Variants in MYO5A observed in about 807,000 individuals in gnomAD.
MYO5A encodes unconventional myosin-Va.
Under a neutral mutation model 249.7 loss-of-function variants are expected in MYO5A, and 98 were observed. The observed-to-expected ratio is 0.39, with a 90% confidence interval of 0.33 to 0.46. The LOEUF (loss-of-function observed/expected upper bound fraction) is 0.46. Ranked by LOEUF, MYO5A falls within the 20% of genes least tolerant of loss-of-function variation. MYO5A has a pLI of 0.98. For missense variants in MYO5A, 1,696 were observed against 2,308.8 expected (o/e 0.73, Z 5.44); for synonymous variants, 778 against 810.6 (o/e 0.96, Z 0.68).
chr15:52,434,500 C>T (rs1273555562), intron 1 of MYO5A, among the ~76,000 whole-genome samples: 1 of 152,118 alleles, frequency 6.6e-6, no homozygotes, highest in Non-Finnish European at 1.5e-5. Flanking sequence ...AAAAATGGCA[C>T]AGCCAGTCAC....
Position 52,387,800 on chromosome 15 carries a change from T to C in MYO5A, c.1752+29A>G, listed in dbSNP as rs556017765. On this transcript the variant is annotated intron_variant, in intron 14 of 41. Transcript: ENST00000399233. ...AAAAGCTAATGCTTTGCATACATCC[T>C]GGATTAGAGTAAGCCTATCCATAGT... 41 of 1,470,944 alleles carry C rather than the reference T, an allele frequency of 2.8e-5. No homozygotes were observed. The South Asian group carries it at 3.4e-4, about 12-fold the overall frequency. The allele number at this position is 1,470,944 out of a possible 1,614,324, so 91.1% of individuals were successfully genotyped here. A position where few individuals can be genotyped will look rare whatever the true frequency, so the allele number is the denominator to read the frequency against.
intron 20 of MYO5A, 114 bp from the exon 21 acceptor site, chr15:52,372,477 G>T (rs890268656): frequency 7.3e-7 from 1 of 1,368,942 alleles, no homozygotes. Flanking sequence ...CATAAAAGTT[G>T]AATTGACAAT....
intron 1 of MYO5A, among the ~76,000 whole-genome samples, chr15:52,460,091 C>T (rs1481561677): frequency 1.3e-5 from 2 of 151,732 alleles, no homozygotes; most frequent in East Asian, 3.9e-4. Flanking sequence ...AGATGATGGG[C>T]GGCCAGGCAG....
chr15:52,462,607 G>A (rs1340828062), intron 1 of MYO5A, among the ~76,000 whole-genome samples: 5 of 152,114 alleles, frequency 3.3e-5, no homozygotes, highest in African/African-American at 7.2e-5. Context: ...CAGCACTTTC[G>A]GAGGCCAAGG....
At chr15:52,376,058 TG>T (rs1402458059) in intron 19 of MYO5A, among the ~76,000 whole-genome samples, 1 of 152,236 alleles carries the variant, frequency 6.6e-6, no homozygotes, top group Admixed American at 6.5e-5. Flanking sequence ...TATTCACGAC[TG>T]TTTTAATTGA....
intron 24 of MYO5A, among the ~76,000 whole-genome samples, chr15:52,360,700 A>G (rs1461572937): frequency 6.6e-6 from 1 of 152,186 alleles, no homozygotes; most frequent in African/African-American, 2.4e-5. Context: ...CAGGGCATCC[A>G]GGTGGCATTT....
intron 1 of MYO5A, among the ~76,000 whole-genome samples, chr15:52,460,746 A>C: frequency 6.6e-6 from 1 of 152,188 alleles, no homozygotes; most frequent in Non-Finnish European, 1.5e-5. Context: ...GACTTTAATG[A>C]CATAGTTTCT....
intron 20 of MYO5A, among the ~76,000 whole-genome samples, chr15:52,373,440 T>C (rs760615556): frequency 6.6e-6 from 1 of 152,234 alleles, no homozygotes; most frequent in Non-Finnish European, 1.5e-5. Context: ...GGAAACAGCA[T>C]TTAATCAGAG....
intron 1 of MYO5A, among the ~76,000 whole-genome samples, chr15:52,498,911 C>T (rs558294851): frequency 3.9e-5 from 6 of 152,152 alleles, no homozygotes; most frequent in Non-Finnish European, 8.8e-5. Flanking sequence ...GTGGTAAAGA[C>T]TTGATGAATT....
At chr15:52,341,278 A>C (rs1365311890) in intron 31 of MYO5A, among the ~76,000 whole-genome samples, 1 of 152,252 alleles carries the variant, frequency 6.6e-6, no homozygotes, top group Non-Finnish European at 1.5e-5. Flanking sequence ...ATAGTTCTGA[A>C]ATTTCCTATA....
At chr15:52,399,149 C>A (rs953856084) in intron 9 of MYO5A, among the ~76,000 whole-genome samples, 2 of 152,096 alleles carry the variant, frequency 1.3e-5, no homozygotes, top group Admixed American at 6.5e-5. Context: ...TTGGACTTCA[C>A]CTATCAATAA....
At chr15:52,489,746 T>C (rs184555429) in intron 1 of MYO5A, among the ~76,000 whole-genome samples, 4 of 152,172 alleles carry the variant, frequency 2.6e-5, no homozygotes, top group African/African-American at 9.6e-5. Context: ...ACCTCAGCAC[T>C]TTGGGAGGCC....
intron 1 of MYO5A, among the ~76,000 whole-genome samples, chr15:52,437,157 C>T (rs2075681938): frequency 6.6e-6 from 1 of 152,186 alleles, no homozygotes; most frequent in Non-Finnish European, 1.5e-5. Context: ...AATATCTGTA[C>T]ATATCACTAA....
rs1351411189 is a variant in MYO5A at position 52,364,560 on chromosome 15, A to G, written c.3303T>C (p.Leu1101=). The G allele has an allele frequency of 3.7e-6, 6 of 1,613,618 alleles. No individual in the cohort carries two copies. Among genetic ancestry groups the G allele is most frequent in the Non-Finnish European group, 5.1e-6 (6 of 1,179,886 alleles). The change falls in exon 24 of 42, where the codon CTT becomes CTC. Residue 1101 remains leucine (L), a synonymous_variant. Transcript: ENST00000399233. ...ACAAAAGTGTTTGACTCACCACCAT[A>G]AGGGTCATCTCTTCCTTGAGGTCAT... The part of the protein sequence containing the change: ...RYDDLKEEMT[L]MVHVPKPGHK...
intron 1 of MYO5A, among the ~76,000 whole-genome samples, chr15:52,513,739 G>A (rs1463739709): frequency 2.0e-5 from 3 of 152,104 alleles, no homozygotes; most frequent in Admixed American, 2.0e-4. Context: ...CCAAGAATAA[G>A]TTAATTCTAT....
chr15:52,371,737 G>A (rs1366859355), intron 21 of MYO5A, among the ~76,000 whole-genome samples: 1 of 152,182 alleles, frequency 6.6e-6, no homozygotes, highest in Non-Finnish European at 1.5e-5. Flanking sequence ...GGGTGTGGTA[G>A]TACGTGCCTG....
chr15:52,522,102 C>A (rs1249845901), intron 1 of MYO5A, among the ~76,000 whole-genome samples: 1 of 152,156 alleles, frequency 6.6e-6, no homozygotes, highest in African/African-American at 2.4e-5. Context: ...TAAGGTGGAA[C>A]CATAGCATTC....
intron 1 of MYO5A, among the ~76,000 whole-genome samples, chr15:52,444,426 T>C (rs2075847181): frequency 6.6e-6 from 1 of 152,224 alleles, no homozygotes; most frequent in African/African-American, 2.4e-5. Context: ...GTCCTAACTT[T>C]ACTTAACCTC....
intron 1 of MYO5A, among the ~76,000 whole-genome samples, chr15:52,466,364 C>A (rs936580257): frequency 8.5e-5 from 13 of 152,078 alleles, no homozygotes; most frequent in Non-Finnish European, 1.5e-4. Context: ...TGGGCTCCCC[C>A]CAACCCCACC....
Sources: gnomAD v4.1 joint callset for allele counts (sites outside exome capture counted in the v4.1 genomes callset) on GRCh38, gnomAD v4.1.1 for gene constraint, MANE v1.5 for transcripts, NCBI Gene and HGNC (gene_info 2026-07-23, HGNC 2026-07-21) for gene names.